VWF: variants seen among roughly 807,000 people sequenced by gnomAD.
The protein encoded by VWF is von Willebrand factor.
In VWF, 176 loss-of-function variants were observed where a neutral mutation model predicts 308.6. The observed-to-expected ratio is 0.57, with a 90% CI of 0.50 to 0.65. The LOEUF (loss-of-function observed/expected upper bound fraction) is 0.65. Among genes scored for constraint, VWF ranks in the 30% least tolerant of loss-of-function variants. The pLI, the probability that VWF is intolerant of heterozygous loss-of-function variation, is 0.00. For missense variants in VWF, 3,146 were observed against 3,648.2 expected (o/e 0.86, Z 3.55); for synonymous variants, 1,385 against 1,443.4 (o/e 0.96, Z 0.92).
Position 5,969,240 on chromosome 12 carries a change from G to A in VWF, c.7700C>T (p.Thr2567Ile). 1 of 1,614,066 alleles carries A rather than the reference G, an allele frequency of 6.2e-7. No homozygotes were observed. The highest frequency in any genetic ancestry group is 8.5e-7 in the Non-Finnish European group (1 of 1,179,980). The stretch of plus-strand genomic sequence containing the variant: ...GCGACAGCTTGGGCAGCACGCTGAG[G>A]TCTTACAGCTCAGCTGAAAGCCCGA... ...CPSGFQLSCK[T>I]SACCPSCRCE... The change falls in exon 45 of 52, where the codon ACC becomes ATC. Residue 2567 changes from threonine (T) to isoleucine (I), a missense_variant. Physicochemically the swap from Thr to Ile is moderately conservative, Grantham distance 89. Around this residue, in one of 3 missense-constraint regions of VWF, gnomAD observed 989 missense variants for 1,117.4 expected, o/e 0.89. Coordinates refer to ENST00000261405, the MANE Select transcript of VWF (RefSeq NM_000552.5).
chr12:6,019,791 G>A lies in VWF; in HGVS notation c.3675-48C>T. On this transcript the variant is annotated intron_variant, in intron 27 of 51. Transcript: ENST00000261405. The surrounding 1 kb of genome is among the most constrained non-coding windows in gnomAD (Gnocchi z 5.8). ...TAAAATGGTTCAGGAAGAACCTGTG[G>A]ACACTTCTGAGCCCTACAGTGTACA... 2 of 1,554,992 alleles carry A rather than the reference G, an allele frequency of 1.3e-6. No homozygotes were observed. The highest frequency in any genetic ancestry group is 8.7e-7 in the Non-Finnish European group (1 of 1,148,814).
At position 6,103,427 on chromosome 12, in the gene VWF, C is replaced by CACGTGTGTGTATACACACGTGTGTGTAT. The variant is rs746561782; in HGVS notation, c.532+6946_532+6947insATACACACACGTGTGTATACACACACGT. On this transcript the variant is annotated intron_variant, in intron 5 of 51. Transcript: ENST00000261405. ...GTGTGTATACACACGTGTGTGTATACACACGTGTGTATATACATACACATA... is the reference window on the plus strand; with the variant it reads ...GTGTGTATACACACGTGTGTGTATACACGTGTGTGTATACACACGTGTGTGTATACACGTGTGTATATACATACACATA... Among the ~76,000 whole-genome samples, 42 of 112,688 alleles carry CACGTGTGTGTATACACACGTGTGTGTAT rather than the reference C, an allele frequency of 3.7e-4. 1 individual carries two copies. In the Middle Eastern group the frequency reaches 0.013, roughly 34 times the overall value. The allele number at this position is 112,688 out of a possible 152,430, so 73.9% of individuals were successfully genotyped here.
At chr12:5,962,063 C>A (rs79535777) in intron 47 of VWF, among the ~76,000 whole-genome samples, 2 of 152,298 alleles carry the variant, frequency 1.3e-5, no homozygotes, top group East Asian at 3.9e-4. Flanking sequence ...GAGGAACAGG[C>A]CATCATCAGA....
chr12:5,991,027 T>C (rs1023544330), intron 38 of VWF, among the ~76,000 whole-genome samples: 3 of 151,772 alleles, frequency 2.0e-5, no homozygotes, highest in African/African-American at 7.3e-5. Context: ...AATTCTGAGA[T>C]CAACTCCATT....
intron 22 of VWF, among the ~76,000 whole-genome samples, chr12:6,027,532 G>C (rs553152939): frequency 6.6e-6 from 1 of 152,184 alleles, no homozygotes; most frequent in South Asian, 2.1e-4. Context: ...TGATCAGAGG[G>C]AGGCAGGAGG....
intron 6 of VWF, among the ~76,000 whole-genome samples, chr12:6,092,618 A>AGTGAGTGTGTGT (rs1945055436): frequency 1.5e-5 from 1 of 66,150 alleles, no homozygotes; most frequent in Non-Finnish European, 2.9e-5. Context: ...AGTGAGTGAG[A>AGTGAGTGTGTGT]GTGTGTGTGT....
intron 18 of VWF, among the ~76,000 whole-genome samples, chr12:6,041,221 G>A (rs1343835282): frequency 6.6e-6 from 1 of 151,982 alleles, no homozygotes; most frequent in Non-Finnish European, 1.5e-5. Flanking sequence ...CCTAAGGTCA[G>A]GAGTTCGAGA....
At chr12:6,109,234 C>T (rs576221784) in intron 5 of VWF, among the ~76,000 whole-genome samples, 2 of 150,982 alleles carry the variant, frequency 1.3e-5, no homozygotes, top group South Asian at 4.2e-4. Flanking sequence ...CACACAGAGA[C>T]ACACAGACAC....
rs1944924630 is a variant in VWF at position 6,082,515 on chromosome 12, GT to G, written c.658-6965del. Among the ~76,000 whole-genome samples, 2 of 152,182 alleles carry G rather than the reference GT, an allele frequency of 1.3e-5. 1 individual carries two copies. Among genetic ancestry groups the G allele is most frequent in the Admixed American group, 1.3e-4 (2 of 15,278 alleles). On this transcript the variant is annotated intron_variant, in intron 6 of 51. Transcript: ENST00000261405. ...AAAGCTGCCTCCTTACATATTTTAAGTTAGGCCTAAAGGTTTCTCCCTACAT... is the reference window on the plus strand; with the variant it reads ...AAAGCTGCCTCCTTACATATTTTAAGTAGGCCTAAAGGTTTCTCCCTACAT...
chr12:5,954,613 A>G lies in VWF; in HGVS notation c.7888-1019T>C, dbSNP rs116385563. ...AGAATAGCTGGAAACTAAAGGGAAA[A>G]TGTCAGAAAAGAGGAAGTCAGAAAC... is the stretch of plus-strand genomic sequence containing the variant. On this transcript the variant is annotated intron_variant, in intron 47 of 51. Coordinates refer to ENST00000261405, the MANE Select transcript of VWF (RefSeq NM_000552.5). 6.0e-3 allele frequency among the ~76,000 whole-genome samples: 921 copies of G among 152,326 alleles called. 8 individuals are homozygous for G. The highest frequency in any genetic ancestry group is 0.02 in the African/African-American group (847 of 41,552).
At chr12:6,031,420 G>C in intron 21 of VWF, 24 bp downstream of exon 21, 1 of 1,614,110 alleles carries the variant, frequency 6.2e-7, no homozygotes, top group Non-Finnish European at 8.5e-7. Flanking sequence ...CGGGACATGA[G>C]GGTGGAGATG....
chr12:6,103,427 CACACGTGTGTATAT>C (rs1434309200), intron 5 of VWF, among the ~76,000 whole-genome samples: 2 of 112,678 alleles, frequency 1.8e-5, no homozygotes, highest in South Asian at 2.3e-4. Context: ...TGTGTGTATA[CACACGTGTGTATAT>C]ACATACACAT....
chr12:6,055,799 G>C lies in VWF; in HGVS notation c.1945+1058C>G, dbSNP rs913803293. 6.4e-4 allele frequency among the ~76,000 whole-genome samples: 23 copies of C among 36,198 alleles called. 1 individual carries two copies. In the South Asian group the frequency reaches 0.011, roughly 17 times the overall value. 23.7% of individuals were successfully genotyped at this position (36,198 alleles called of 152,430 possible). On this transcript the variant is annotated intron_variant, in intron 15 of 51. Coordinates refer to ENST00000261405, the MANE Select transcript of VWF (RefSeq NM_000552.5). ...ACACACACACACACACACACACACA[G>C]GGTCTTTCTCTGTTGGCCAGGTCAG...
At chr12:5,950,022 A>T (rs1434070529) in intron 50 of VWF, 139 bp from the exon 51 acceptor site, 1 of 747,850 alleles carries the variant, frequency 1.3e-6, no homozygotes, top group East Asian at 2.6e-5. Context: ...GAGGGAATTC[A>T]GTTATCCTGG....
chr12:6,111,407 C>G (rs1945306528), intron 3 of VWF, among the ~76,000 whole-genome samples: 1 of 152,190 alleles, frequency 6.6e-6, no homozygotes, highest in Non-Finnish European at 1.5e-5. Flanking sequence ...GGGTTGTGCT[C>G]TGTTGCCCAG....
chr12:6,034,426 T>TCC (rs1359448583), intron 20 of VWF, among the ~76,000 whole-genome samples: 1 of 152,222 alleles, frequency 6.6e-6, no homozygotes, highest in East Asian at 1.9e-4. Context: ...GTAGCCTTTC[T>TCC]CCCACACCAA....
chr12:6,109,682 G>A (rs577735216), intron 5 of VWF, among the ~76,000 whole-genome samples: 74 of 152,004 alleles, frequency 4.9e-4, no homozygotes, highest in African/African-American at 1.7e-3. Flanking sequence ...ACGGAGTCTC[G>A]CTCTGTCGCC....
rs1178069006 is a variant in VWF, at chr12:6,103,506, ATATATATACACACATATGTG to A, written c.532+6848_532+6867del. Among the ~76,000 whole-genome samples, 32 of 134,514 alleles carry A rather than the reference ATATATATACACACATATGTG, an allele frequency of 2.4e-4. 3 individuals are homozygous for A. Among genetic ancestry groups the A allele is most frequent in the Admixed American group, 1.6e-3 (22 of 13,636 alleles). The allele number at this position is 134,514 out of a possible 152,430, so 88.2% of individuals were successfully genotyped here. On this transcript the variant is annotated intron_variant, in intron 5 of 51. Coordinates refer to ENST00000261405, the MANE Select transcript of VWF (RefSeq NM_000552.5). ...TACATATATGTGTATACACACACGT[ATATATATACACACATATGTG>A]TATATACACATATATGTATACACAC... is the stretch of plus-strand genomic sequence containing the variant.
At position 5,971,567 on chromosome 12, in the gene VWF, C is replaced by A. The variant is rs377334563; in HGVS notation, c.7548+32G>T. On this transcript the variant is annotated intron_variant, in intron 44 of 51. Coordinates refer to ENST00000261405, the MANE Select transcript of VWF (RefSeq NM_000552.5). The stretch of plus-strand genomic sequence containing the variant: ...TGGTCCCTGGAGTGGCCCCAATCTG[C>A]CCTCCTCCCCGTCCCGGGGGCCTGG... 6 of 1,583,186 alleles carry A rather than the reference C, an allele frequency of 3.8e-6. No individual in the cohort carries two copies. In the African/African-American group the frequency reaches 8.1e-5, roughly 21 times the overall value.
Sources: allele counts gnomAD v4.1 joint callset (sites outside exome capture counted in the v4.1 genomes callset), GRCh38; gene constraint gnomAD v4.1.1; regional missense constraint gnomAD v4.1.1; non-coding constraint Gnocchi (gnomAD v3.1); transcripts MANE v1.5; gene names NCBI Gene and HGNC (gene_info 2026-07-23, HGNC 2026-07-21).